The following GNA14 variants were observed in gnomAD, a reference collection of about 807,000 sequenced individuals.
GNA14 encodes the protein guanine nucleotide-binding protein subunit alpha-14.
A neutral mutation model predicts 42.0 loss-of-function variants in GNA14; 50 were observed. That is an observed-to-expected ratio of 1.19 (90% CI 0.95 to 1.51). The LOEUF (loss-of-function observed/expected upper bound fraction) is 1.51, where lower values mean the gene tolerates loss of function less well. Among genes scored for constraint, GNA14 ranks in the 40% most tolerant of loss-of-function variants. The pLI is 0.00. For missense variants in GNA14, 473 were observed against 446.2 expected (o/e 1.06, Z -0.54); for synonymous variants, 173 against 163.1 (o/e 1.06, Z -0.46).
At chr9:77,577,422 A>T (rs770517440) in intron 1 of GNA14, among the ~76,000 whole-genome samples, 2 of 152,178 alleles carry the variant, frequency 1.3e-5, no homozygotes, top group Non-Finnish European at 2.9e-5. Flanking sequence ...TTTATCCTCC[A>T]TCTATATCGA....
Position 77,464,349 on chromosome 9 carries a change from A to ATGTGTG in GNA14, c.310-29828_310-29827insCACACA, listed in dbSNP as rs1309595416. Among the ~76,000 whole-genome samples the ATGTGTG allele has an allele frequency of 1.9e-3, 190 of 102,050 alleles. 2 individuals are homozygous for ATGTGTG. Among genetic ancestry groups the ATGTGTG allele is most frequent in the African/African-American group, 7.7e-3 (176 of 22,996 alleles). The allele number at this position is 102,050 out of a possible 152,430, so 66.9% of individuals were successfully genotyped here. A position where few individuals can be genotyped will look rare whatever the true frequency, so the allele number is the denominator to read the frequency against. On this transcript the variant is annotated intron_variant, in intron 2 of 6. Coordinates refer to ENST00000341700, the MANE Select transcript of GNA14 (RefSeq NM_004297.4). ...TATATATATGTGTGTGTGTGTGTGT[A>ATGTGTG]TATGTGTGTGTGTGTGTGTGTGTGT...
At chr9:77,570,098 CA>C (rs1325983229) in intron 1 of GNA14, among the ~76,000 whole-genome samples, 1 of 152,106 alleles carries the variant, frequency 6.6e-6, no homozygotes, top group Non-Finnish European at 1.5e-5. Context: ...ATTTTAGGAC[CA>C]AGAATTGTAT....
At chr9:77,538,014 A>G (rs930673182) in intron 1 of GNA14, among the ~76,000 whole-genome samples, 8 of 150,930 alleles carry the variant, frequency 5.3e-5, no homozygotes, top group African/African-American at 1.9e-4. Context: ...CTCCCATTCA[A>G]CAAGTTGTTT....
At chr9:77,444,746 A>G (rs1835788132) in intron 2 of GNA14, among the ~76,000 whole-genome samples, 1 of 152,270 alleles carries the variant, frequency 6.6e-6, no homozygotes, top group South Asian at 2.1e-4. Context: ...TCCCTGACAC[A>G]CAAGAGCTTC....
At position 77,613,630 on chromosome 9, in the gene GNA14, T is replaced by A. The variant is rs142547400; in HGVS notation, c.124+34040A>T. Among the ~76,000 whole-genome samples, 475 of 152,344 alleles carry A rather than the reference T, an allele frequency of 3.1e-3. 3 individuals carry two copies. The highest frequency in any genetic ancestry group is 1.0e-2 in the African/African-American group (415 of 41,576). On this transcript the variant is annotated intron_variant, in intron 1 of 6. Transcript: ENST00000341700. ...GATGGTGATAATGGTTACACAGGTA[T>A]CTACTTTTCTCCAAACTTGTTAAGT...
At position 77,434,359 on chromosome 9, in the gene GNA14, T is replaced by C; in HGVS notation, c.464+9A>G. ...CACCGCGGGCGGCCAGGGTGGGCTC[T>C]GTACTCACTATTTGGCAGAGTCCGA... On this transcript the variant is annotated intron_variant, in intron 3 of 6. Transcript: ENST00000341700. 6.2e-7 allele frequency: 1 copy of C among 1,612,000 alleles called. No homozygotes were observed. Among genetic ancestry groups the C allele is most frequent in the Non-Finnish European group, 8.5e-7 (1 of 1,179,276 alleles).
At chr9:77,585,306 C>A (rs995501589) in intron 1 of GNA14, among the ~76,000 whole-genome samples, 4 of 152,156 alleles carry the variant, frequency 2.6e-5, no homozygotes, top group Non-Finnish European at 4.4e-5. Flanking sequence ...TGAGAAACTA[C>A]AGACACAGAA....
At chr9:77,490,929 G>C (rs1361228061) in intron 2 of GNA14, among the ~76,000 whole-genome samples, 2 of 152,238 alleles carry the variant, frequency 1.3e-5, no homozygotes, top group Non-Finnish European at 2.9e-5. Flanking sequence ...AGGACTGCCA[G>C]CACGCTGTCA....
chr9:77,594,420 C>T (rs1823433818), intron 1 of GNA14, among the ~76,000 whole-genome samples: 1 of 152,224 alleles, frequency 6.6e-6, no homozygotes, highest in Non-Finnish European at 1.5e-5. Context: ...CATGAACTAT[C>T]TACTGCTGTG....
At chr9:77,631,467 TAA>T (rs59294268) in intron 1 of GNA14, among the ~76,000 whole-genome samples, 7,159 of 123,440 alleles carry the variant, frequency 0.058, 504 homozygotes, top group African/African-American at 0.18. Context: ...ACTTTTTATG[TAA>T]AAAAAAAAAA....
At chr9:77,602,160 A>G (rs905997591) in intron 1 of GNA14, among the ~76,000 whole-genome samples, 19 of 152,304 alleles carry the variant, frequency 1.2e-4, no homozygotes, top group African/African-American at 4.6e-4. Context: ...GAATGAATAA[A>G]TGAGTACTGT....
intron 1 of GNA14, among the ~76,000 whole-genome samples, chr9:77,633,973 AG>A (rs1361569179): frequency 2.0e-5 from 3 of 152,208 alleles, no homozygotes; most frequent in African/African-American, 7.2e-5. Flanking sequence ...TATTAGCATT[AG>A]GTATGACAGA....
At chr9:77,632,518 C>T (rs1824115102) in intron 1 of GNA14, among the ~76,000 whole-genome samples, 2 of 152,300 alleles carry the variant, frequency 1.3e-5, no homozygotes, top group South Asian at 4.1e-4. Flanking sequence ...AAATATGCCC[C>T]TTGCTTGCCA....
chr9:77,463,648 T>C (rs893286651), intron 2 of GNA14, among the ~76,000 whole-genome samples: 2 of 152,236 alleles, frequency 1.3e-5, no homozygotes, highest in South Asian at 4.1e-4. Flanking sequence ...TCTCAACCAG[T>C]ATCAGCAGCA....
intron 2 of GNA14, among the ~76,000 whole-genome samples, chr9:77,458,722 A>G (rs1221388332): frequency 1.3e-5 from 2 of 152,196 alleles, no homozygotes; most frequent in Non-Finnish European, 1.5e-5. Flanking sequence ...CAGATTGTTT[A>G]TCAACATCGA....
intron 2 of GNA14, among the ~76,000 whole-genome samples, chr9:77,443,475 C>T (rs1835767862): frequency 6.6e-6 from 1 of 152,198 alleles, no homozygotes; most frequent in Admixed American, 6.5e-5. Context: ...CTAAAGCCAC[C>T]TAGACTTCAA....
At chr9:77,440,834 TC>T (rs1325935726) in intron 2 of GNA14, among the ~76,000 whole-genome samples, 1 of 151,918 alleles carries the variant, frequency 6.6e-6, no homozygotes, top group African/African-American at 2.4e-5. Flanking sequence ...TCCTGCCTCG[TC>T]CCCCTGAGTA....
chr9:77,564,860 C>T (rs764668884), intron 1 of GNA14, among the ~76,000 whole-genome samples: 22 of 151,676 alleles, frequency 1.5e-4, no homozygotes, highest in Non-Finnish European at 3.2e-4. Flanking sequence ...TAAGATATTA[C>T]AATTAAATCC....
chr9:77,545,583 C>T (rs1468183733), intron 1 of GNA14, among the ~76,000 whole-genome samples: 1 of 152,248 alleles, frequency 6.6e-6, no homozygotes, highest in South Asian at 2.1e-4. Flanking sequence ...ACTTAAAACT[C>T]AGTAACAGCA....
Sources: allele counts gnomAD v4.1 joint callset (sites outside exome capture counted in the v4.1 genomes callset), GRCh38; gene constraint gnomAD v4.1.1; transcripts MANE v1.5; gene names NCBI Gene and HGNC (gene_info 2026-07-23, HGNC 2026-07-21).